SHC3: variants seen among roughly 807,000 people sequenced by gnomAD.
The protein encoded by SHC3 is SHC adaptor protein 3, also known as SHC-transforming protein 3.
SHC3 carries 15 observed loss-of-function variants against 60.4 expected under a neutral mutation model. The observed-to-expected ratio is 0.25, with a 90% CI of 0.17 to 0.38. The LOEUF is 0.38. SHC3 is among the 10% of genes least tolerant of loss of function. SHC3 has a pLI of 1.00. For missense variants in SHC3, 677 were observed against 786.1 expected (o/e 0.86, Z 1.66); for synonymous variants, 294 against 325.9 (o/e 0.90, Z 1.05).
intron 1 of SHC3, among the ~76,000 whole-genome samples, chr9:89,146,546 A>G (rs1277728962): frequency 6.6e-6 from 1 of 152,162 alleles, no homozygotes; most frequent in East Asian, 1.9e-4. Flanking sequence ...GTGTTTTAAT[A>G]TAGGAATAGA....
intron 1 of SHC3, among the ~76,000 whole-genome samples, chr9:89,131,180 C>T (rs1037169889): frequency 1.3e-5 from 2 of 152,146 alleles, no homozygotes; most frequent in Non-Finnish European, 2.9e-5. Flanking sequence ...AATTCCTGGA[C>T]ACATACACCC....
At chr9:89,092,910 C>G (rs1375544127) in intron 2 of SHC3, among the ~76,000 whole-genome samples, 1 of 152,082 alleles carries the variant, frequency 6.6e-6, no homozygotes, top group Non-Finnish European at 1.5e-5. Context: ...CATGTTGTTG[C>G]ATGCATTGGT....
intron 1 of SHC3, among the ~76,000 whole-genome samples, chr9:89,115,348 C>A (rs1452474317): frequency 6.6e-6 from 1 of 152,042 alleles, no homozygotes; most frequent in Non-Finnish European, 1.5e-5. Flanking sequence ...TGAATACCAC[C>A]AACAACAATG....
At chr9:89,160,233 C>T (rs1406513194) in intron 1 of SHC3, among the ~76,000 whole-genome samples, 1 of 152,146 alleles carries the variant, frequency 6.6e-6, no homozygotes. Flanking sequence ...ACTGTGCACC[C>T]TCCCACCTCC....
chr9:89,163,393 A>G (rs1826739795), intron 1 of SHC3, among the ~76,000 whole-genome samples: 1 of 152,100 alleles, frequency 6.6e-6, no homozygotes, highest in South Asian at 2.1e-4. Context: ...GCACATATAC[A>G]CCATGGAATA....
chr9:89,126,517 G>T (rs115074653), intron 1 of SHC3, among the ~76,000 whole-genome samples: 1,575 of 152,286 alleles, frequency 0.01, 29 homozygotes, highest in African/African-American at 0.035. Flanking sequence ...CTCCCCAAAA[G>T]GGGAAACTTG....
chr9:89,074,600 C>T (rs1453545996), intron 4 of SHC3, among the ~76,000 whole-genome samples: 1 of 150,174 alleles, frequency 6.7e-6, no homozygotes, highest in Non-Finnish European at 1.5e-5. Context: ...CAAATTCATT[C>T]CACATTGGCT....
chr9:89,146,765 CA>C (rs1826475535), intron 1 of SHC3, among the ~76,000 whole-genome samples: 1 of 152,144 alleles, frequency 6.6e-6, no homozygotes, highest in Non-Finnish European at 1.5e-5. Flanking sequence ...CAAAAATACA[CA>C]TGAATGGTAA....
intron 11 of SHC3, among the ~76,000 whole-genome samples, chr9:89,025,895 C>T (rs1206937475): frequency 6.6e-6 from 1 of 152,196 alleles, no homozygotes; most frequent in Non-Finnish European, 1.5e-5. Flanking sequence ...CTTTCCAGGT[C>T]TTTTCCTTTA....
intron 1 of SHC3, among the ~76,000 whole-genome samples, chr9:89,170,126 G>A (rs552657599): frequency 6.6e-6 from 1 of 152,356 alleles, no homozygotes; most frequent in Admixed American, 6.5e-5. Context: ...ACTCAAGAGG[G>A]AGAGGCAGCA....
intron 1 of SHC3, among the ~76,000 whole-genome samples, chr9:89,123,151 A>T (rs1368324802): frequency 6.6e-6 from 1 of 152,238 alleles, no homozygotes; most frequent in African/African-American, 2.4e-5. Flanking sequence ...ATTGCTAACA[A>T]CTTAAGCAAT....
chr9:89,053,710 T>A (rs1205516336), intron 6 of SHC3, among the ~76,000 whole-genome samples: 1 of 152,258 alleles, frequency 6.6e-6, no homozygotes, highest in Non-Finnish European at 1.5e-5. Context: ...TGTCTTCTGA[T>A]GATCAATTAT....
intron 11 of SHC3, among the ~76,000 whole-genome samples, chr9:89,033,924 C>T (rs1355500806): frequency 2.6e-5 from 4 of 151,940 alleles, no homozygotes; most frequent in African/African-American, 9.7e-5. Context: ...ATCTTGATAC[C>T]AAAACCATAT....
At chr9:89,096,133 G>A (rs1404510614) in intron 2 of SHC3, among the ~76,000 whole-genome samples, 4 of 152,164 alleles carry the variant, frequency 2.6e-5, no homozygotes, top group Admixed American at 6.5e-5. Context: ...TCAACTACCC[G>A]CACAAACGTT....
chr9:89,029,632 G>C (rs1282296464), intron 11 of SHC3, among the ~76,000 whole-genome samples: 1 of 152,144 alleles, frequency 6.6e-6, no homozygotes, highest in Non-Finnish European at 1.5e-5. Context: ...GGGATGATGA[G>C]TTTGCCCTGG....
At chr9:89,015,029 G>A (rs1826071747) in intron 11 of SHC3, among the ~76,000 whole-genome samples, 2 of 152,206 alleles carry the variant, frequency 1.3e-5, no homozygotes, top group Non-Finnish European at 2.9e-5. Context: ...TGATTGTTGG[G>A]CACTAAGCCT....
Position 89,046,725 on chromosome 9 carries a change from G to A in SHC3, c.1113+119C>T, listed in dbSNP as rs974006350. 2.5e-6 allele frequency: 3 copies of A among 1,208,326 alleles called. No individual in the cohort carries two copies. The African/African-American group carries it at 4.7e-5, about 19-fold the overall frequency. The allele number at this position is 1,208,326 out of a possible 1,614,324, so 74.9% of individuals were successfully genotyped here. A position where few individuals can be genotyped will look rare whatever the true frequency, so the allele number is the denominator to read the frequency against. On this transcript the variant is annotated intron_variant, in intron 8 of 11. Coordinates refer to ENST00000375835, the MANE Select transcript of SHC3 (RefSeq NM_016848.6). ...TGAAATCCAGTGAGAGAAAGCTCATGATTTACTGTGTCAAAAATGAAACAG... is the reference window on the plus strand; with the variant it reads ...TGAAATCCAGTGAGAGAAAGCTCATAATTTACTGTGTCAAAAATGAAACAG...
chr9:89,137,981 A>G (rs756063858), intron 1 of SHC3, among the ~76,000 whole-genome samples: 11 of 152,250 alleles, frequency 7.2e-5, no homozygotes, highest in Non-Finnish European at 1.5e-4. Context: ...TGCAGGCTGC[A>G]AACGCACTGA....
chr9:89,112,744 TA>T (rs1403324926), intron 1 of SHC3, 118 bp from the exon 2 acceptor site: 2 of 799,130 alleles, frequency 2.5e-6, no homozygotes, highest in Non-Finnish European at 3.7e-6. Context: ...ATTTTAACTT[TA>T]AATTCTAGGG....
Sources: gnomAD v4.1 joint callset for allele counts (sites outside exome capture counted in the v4.1 genomes callset) on GRCh38, gnomAD v4.1.1 for gene constraint, MANE v1.5 for transcripts, NCBI Gene and HGNC (gene_info 2026-07-23, HGNC 2026-07-21) for gene names.